The following RUVBL1 variants were observed in gnomAD, a reference collection of about 807,000 sequenced individuals.
The protein encoded by RUVBL1 is ruvB-like 1.
A neutral mutation model predicts 52.4 loss-of-function variants in RUVBL1; 4 were observed. The ratio of observed to expected loss-of-function variants is 0.08; its 90% CI spans 0.04 to 0.17. RUVBL1 has a LOEUF of 0.17. Ranked by LOEUF, RUVBL1 falls within the 10% of genes least tolerant of loss-of-function variation. RUVBL1 has a pLI of 1.00. For synonymous variants in RUVBL1, 217 were observed against 214.4 expected (o/e 1.01, Z -0.10); for missense variants, 298 against 572.8 (o/e 0.52, Z 4.90).
chr3:128,123,892 G>A (rs537360326), upstream of RUVBL1: 5 of 1,264,752 alleles, frequency 4.0e-6, no homozygotes, highest in African/African-American at 7.7e-5. Context: ...TAGGCTCACG[G>A]CTGCGCCCAT....
At chr3:128,064,793 C>G (rs1941912543) in exon 10 of RUVBL1, 1 of 1,288,220 alleles carries the variant, frequency 7.8e-7, no homozygotes, top group Non-Finnish European at 1.1e-6. Flanking sequence ...TTGTTTTCCT[C>G]TTTTTATTTG....
In RUVBL1 at chr3:128,123,790, T is replaced by A. The variant is rs746019170; in HGVS notation, c.-66A>T. ...CAGCTAGGACAGTGCGCCCGGCGCC[T>A]GAGTTACCATGCGGCCGTTACTAGG... is the stretch of plus-strand genomic sequence containing the variant. On this transcript the variant is annotated 5_prime_UTR_variant, in exon 1 of 11. Transcript: ENST00000322623. The A allele has an allele frequency of 1.1e-5, 16 of 1,505,328 alleles. No homozygotes were observed. The highest frequency in any genetic ancestry group is 1.4e-5 in the Non-Finnish European group (16 of 1,118,736). The allele number at this position is 1,505,328 out of a possible 1,614,324, so 93.2% of individuals were successfully genotyped here.
chr3:128,082,411 T>A lies in RUVBL1; in HGVS notation c.1211+72A>T. 8.8e-7 allele frequency: 1 copy of A among 1,138,246 alleles called. No individual in the cohort carries two copies. The highest frequency in any genetic ancestry group is 1.3e-6 in the Non-Finnish European group (1 of 751,362). 70.5% of individuals were successfully genotyped at this position (1,138,246 alleles called of 1,614,324 possible). A position where few individuals can be genotyped will look rare whatever the true frequency, so the allele number is the denominator to read the frequency against. ...GCCCTAGGAAGGGACCTGCCTTTAT[T>A]GTCCAGAATGACCCCAGCGAGGGCC... On this transcript the variant is annotated intron_variant, in intron 10 of 10. Transcript: ENST00000322623. This position sits in a 1 kb window ranked among gnomAD's most constrained non-coding sequence, Gnocchi z 4.7.
At chr3:128,122,675 T>A (rs1448367758) in intron 1 of RUVBL1, among the ~76,000 whole-genome samples, 3 of 152,232 alleles carry the variant, frequency 2.0e-5, no homozygotes, top group East Asian at 1.9e-4. Context: ...AACTTTATAT[T>A]AAGTGAAGAT....
At chr3:128,105,859 CTTTT>C (rs1559819588) in intron 3 of RUVBL1, among the ~76,000 whole-genome samples, 3 of 138,216 alleles carry the variant, frequency 2.2e-5, no homozygotes, top group Admixed American at 7.9e-5. Flanking sequence ...CTTTCTTTCC[CTTTT>C]TCTTTTTTTT....
chr3:128,115,317 T>C (rs1007050116), intron 2 of RUVBL1, among the ~76,000 whole-genome samples: 1 of 152,200 alleles, frequency 6.6e-6, no homozygotes. Flanking sequence ...AAAGAGGTTG[T>C]TGCCAAAAGA....
rs754344701 is a variant in RUVBL1, at chr3:128,112,879, A to T, written c.361+9T>A. ...GACCAACTCCTCCCACAAATGTGACACTACTTACCAATGGCCCTGCGGAAG... is the reference window on the plus strand; with the variant it reads ...GACCAACTCCTCCCACAAATGTGACTCTACTTACCAATGGCCCTGCGGAAG... On this transcript the variant is annotated intron_variant, in intron 3 of 10. Coordinates refer to ENST00000322623, the MANE Select transcript of RUVBL1 (RefSeq NM_003707.3). 5.6e-6 allele frequency: 9 copies of T among 1,612,468 alleles called. No individual in the cohort carries two copies. Among genetic ancestry groups the T allele is most frequent in the Admixed American group, 1.7e-5 (1 of 59,836 alleles).
rs1390102788 is a variant in RUVBL1 at position 128,123,587 on chromosome 3, T to G, written c.138A>C (p.Arg46=). 12 of 1,605,212 alleles carry G rather than the reference T, an allele frequency of 7.5e-6. 1 individual carries two copies. The highest frequency in any genetic ancestry group is 3.3e-5 in the South Asian group (3 of 90,752). Residue 46 remains arginine (R), a synonymous_variant, in exon 1 of 11, where the codon CGA becomes CGC. Coordinates refer to ENST00000322623, the MANE Select transcript of RUVBL1 (RefSeq NM_003707.3). The stretch of plus-strand genomic sequence containing the variant: ...CTCCCTGGTCCACTGGCCACACCTC[T>G]CGCGCGTTCTCCTGGCCCACAAGCC... The part of the protein sequence containing the change: ...ASGLVGQENA[R]EACGVIVELI...
At chr3:128,151,232 A>G (rs1175612454) in intron 1 of RUVBL1, among the ~76,000 whole-genome samples, 1 of 139,076 alleles carries the variant, frequency 7.2e-6, no homozygotes, top group Non-Finnish European at 1.5e-5. Context: ...TATTCTATAT[A>G]TATATACTCT....
At chr3:128,118,749 T>C (rs1943580317) in intron 2 of RUVBL1, among the ~76,000 whole-genome samples, 1 of 152,214 alleles carries the variant, frequency 6.6e-6, no homozygotes, top group African/African-American at 2.4e-5. Context: ...CCCACAGTGC[T>C]GCCTCCTTAA....
intron 8 of RUVBL1, among the ~76,000 whole-genome samples, chr3:128,091,833 C>T (rs555133295): frequency 5.1e-4 from 77 of 152,328 alleles, no homozygotes; most frequent in African/African-American, 1.8e-3. Context: ...TGTCTCCAGA[C>T]ATTGCTACAT....
chr3:128,091,963 TAA>T (rs1455321370), intron 8 of RUVBL1, among the ~76,000 whole-genome samples: 59 of 152,238 alleles, frequency 3.9e-4, no homozygotes, highest in Middle Eastern at 3.4e-3. Flanking sequence ...GAAAGCACAG[TAA>T]AAACACCTCT....
upstream of RUVBL1, among the ~76,000 whole-genome samples, chr3:128,128,464 C>G (rs993810236): frequency 6.6e-6 from 1 of 152,210 alleles, no homozygotes; most frequent in Non-Finnish European, 1.5e-5. Context: ...TGATGTGGCT[C>G]TGCCACTCCC....
chr3:128,135,113 G>T (rs991443612), intron 1 of RUVBL1, among the ~76,000 whole-genome samples: 6 of 152,222 alleles, frequency 3.9e-5, no homozygotes, highest in African/African-American at 1.2e-4. Flanking sequence ...CAAGAATAAG[G>T]AAAGACTCCT....
intron 4 of RUVBL1, among the ~76,000 whole-genome samples, chr3:128,102,726 C>A (rs776482333): frequency 6.6e-6 from 1 of 152,028 alleles, no homozygotes; most frequent in African/African-American, 2.4e-5. Flanking sequence ...CTTTTTGGGG[C>A]GATGAAAATG....
chr3:128,148,289 G>C (rs1020369169), intron 1 of RUVBL1, among the ~76,000 whole-genome samples: 5 of 152,170 alleles, frequency 3.3e-5, no homozygotes, highest in African/African-American at 1.2e-4. Context: ...GCTGATGGTA[G>C]AGATGTTCAG....
At chr3:128,069,371 G>T in intron 9 of RUVBL1, 1 of 1,023,958 alleles carries the variant, frequency 9.8e-7, no homozygotes, top group Admixed American at 2.2e-5. Context: ...ACAGCAGAGG[G>T]GCCTTTGAGG....
At position 128,081,133 on chromosome 3, in the gene RUVBL1, G is replaced by T; in HGVS notation, c.*117C>A. 3.1e-6 allele frequency: 3 copies of T among 965,534 alleles called. No individual in the cohort carries two copies. Among genetic ancestry groups the T allele is most frequent in the Non-Finnish European group, 4.7e-6 (3 of 642,002 alleles). The allele number at this position is 965,534 out of a possible 1,614,324, so 59.8% of individuals were successfully genotyped here. ...ATGCTTTCCACACTGAACTGACAGC[G>T]CTGCAGACCACGCCTGAGTGGGGAC... On this transcript the variant is annotated 3_prime_UTR_variant, in exon 11 of 11. Coordinates refer to ENST00000322623, the MANE Select transcript of RUVBL1 (RefSeq NM_003707.3). The surrounding 1 kb of genome is among the most constrained non-coding windows in gnomAD (Gnocchi z 4.8).
intron 8 of RUVBL1, among the ~76,000 whole-genome samples, chr3:128,096,551 G>A (rs990938886): frequency 1.6e-4 from 25 of 152,206 alleles, no homozygotes; most frequent in Non-Finnish European, 3.1e-4. Context: ...CTGGGGCCGG[G>A]CGTGGTGGTT....
Sources: gnomAD v4.1 joint callset for allele counts (sites outside exome capture counted in the v4.1 genomes callset) on GRCh38, gnomAD v4.1.1 for gene constraint, Gnocchi (gnomAD v3.1) non-coding constraint, MANE v1.5 for transcripts, NCBI Gene and HGNC (gene_info 2026-07-23, HGNC 2026-07-21) for gene names.